The following CHCHD6 variants were observed in gnomAD, a reference collection of about 807,000 sequenced individuals.
CHCHD6 encodes MICOS complex subunit MIC25.
A neutral mutation model predicts 32.3 loss-of-function variants in CHCHD6; 28 were observed. The ratio of observed to expected loss-of-function variants is 0.87; its 90% CI spans 0.64 to 1.19. The LOEUF (loss-of-function observed/expected upper bound fraction) is 1.19. CHCHD6 is among the 50% of genes most tolerant of loss of function. CHCHD6 has a pLI of 0.00. For missense variants in CHCHD6, 333 were observed against 307.0 expected, an observed-to-expected ratio of 1.08 and a Z score of -0.63; for synonymous variants, 122 against 117.5, an observed-to-expected ratio of 1.04 and a Z score of -0.25.
intron 1 of CHCHD6, among the ~76,000 whole-genome samples, chr3:126,722,551 A>G (rs1224367541): frequency 1.3e-5 from 2 of 152,190 alleles, no homozygotes; most frequent in African/African-American, 4.8e-5. Flanking sequence ...TCTAGAGACT[A>G]ATGATGTTGA....
chr3:126,762,045 T>A (rs1453770364), intron 4 of CHCHD6, among the ~76,000 whole-genome samples: 2 of 152,208 alleles, frequency 1.3e-5, no homozygotes, highest in Non-Finnish European at 2.9e-5. Flanking sequence ...TCTTTTTCTT[T>A]GTCAGTCTTG....
At chr3:126,712,927 T>C (rs1934822399) in intron 1 of CHCHD6, among the ~76,000 whole-genome samples, 1 of 152,220 alleles carries the variant, frequency 6.6e-6, no homozygotes, top group Admixed American at 6.5e-5. Context: ...CTGTTGTGAG[T>C]AGCTCTACTA....
intron 4 of CHCHD6, among the ~76,000 whole-genome samples, chr3:126,839,086 CACTACATT>C (rs1276628553): frequency 4.0e-5 from 6 of 151,820 alleles, no homozygotes; most frequent in African/African-American, 1.5e-4. Context: ...GATAAGGTCT[CACTACATT>C]GCCTGAGCTG....
intron 4 of CHCHD6, among the ~76,000 whole-genome samples, chr3:126,764,224 T>TATAA (rs1491585281): frequency 1.1e-4 from 16 of 144,012 alleles, no homozygotes; most frequent in East Asian, 2.1e-4. Context: ...TATATATATA[T>TATAA]AAATATATGA....
rs1365322906 is a variant in CHCHD6, at chr3:126,726,322, G to A, written c.88-756G>A. 2.6e-5 allele frequency among the ~76,000 whole-genome samples: 4 copies of A among 152,148 alleles called. No individual in the cohort carries two copies. In the South Asian group the frequency reaches 6.2e-4, roughly 24 times the overall value. ...CCATCAGAACACAACAGCATTTATC[G>A]GTTAAGTTCGCCGTCTTACATGGAC... On this transcript the variant is annotated intron_variant, in intron 1 of 7. Coordinates refer to ENST00000290913, the MANE Select transcript of CHCHD6 (RefSeq NM_032343.3).
At chr3:126,910,089 C>T (rs1341531752) in intron 5 of CHCHD6, among the ~76,000 whole-genome samples, 3 of 152,074 alleles carry the variant, frequency 2.0e-5, no homozygotes, top group Non-Finnish European at 4.4e-5. Context: ...CCAGCCTGGC[C>T]AACATGGCGA....
At chr3:126,909,448 C>T (rs1559916554) in intron 5 of CHCHD6, among the ~76,000 whole-genome samples, 2 of 152,224 alleles carry the variant, frequency 1.3e-5, no homozygotes, top group Admixed American at 1.3e-4. Context: ...CACCCTCACC[C>T]TTGCTTTTGA....
At chr3:126,730,701 C>A in intron 3 of CHCHD6, 71 bp downstream of exon 3, 2 of 1,287,628 alleles carry the variant, frequency 1.6e-6, no homozygotes, top group Non-Finnish European at 1.1e-6. Context: ...CTGGGTACCC[C>A]TCTCCTTGCC....
At chr3:126,765,084 A>AT (rs1228552863) in intron 4 of CHCHD6, among the ~76,000 whole-genome samples, 2 of 152,172 alleles carry the variant, frequency 1.3e-5, no homozygotes, top group Non-Finnish European at 2.9e-5. Flanking sequence ...CATTTTTGGC[A>AT]TTTTAACATG....
In CHCHD6 at chr3:126,798,604, G is replaced by A. The variant is rs985966254; in HGVS notation, c.412-54043G>A. Among the ~76,000 whole-genome samples the A allele has an allele frequency of 3.0e-4, 6 of 20,258 alleles. No homozygotes were observed. The South Asian group carries it at 6.8e-3, about 23-fold the overall frequency. 13.3% of individuals were successfully genotyped at this position (20,258 alleles called of 152,430 possible). A position where few individuals can be genotyped will look rare whatever the true frequency, so the allele number is the denominator to read the frequency against. On this transcript the variant is annotated intron_variant, in intron 4 of 7. Transcript: ENST00000290913. ...GTTCTGTTACTAGCAGGGTGCCCCCGCTCTGTGGCTTGGAGCTGCTCCGGA... is the reference window on the plus strand; with the variant it reads ...GTTCTGTTACTAGCAGGGTGCCCCCACTCTGTGGCTTGGAGCTGCTCCGGA...
At chr3:126,719,369 T>G (rs183591116) in intron 1 of CHCHD6, among the ~76,000 whole-genome samples, 31 of 152,358 alleles carry the variant, frequency 2.0e-4, no homozygotes, top group African/African-American at 7.0e-4. Flanking sequence ...GCTTCCCTAG[T>G]GCATGCGGCT....
intron 1 of CHCHD6, 83 bp downstream of exon 1, chr3:126,704,482 C>T (rs745442418): frequency 1.5e-4 from 129 of 859,272 alleles, no homozygotes; most frequent in Non-Finnish European, 1.9e-4. Context: ...AGGGCCGGGG[C>T]TCTTTCCACG....
At chr3:126,756,928 A>G (rs1034366072) in intron 4 of CHCHD6, among the ~76,000 whole-genome samples, 1 of 152,230 alleles carries the variant, frequency 6.6e-6, no homozygotes, top group Non-Finnish European at 1.5e-5. Context: ...TAAGGCAAGA[A>G]TCACATCATG....
At position 126,791,856 on chromosome 3, in the gene CHCHD6, C is replaced by T. The variant is rs148012750; in HGVS notation, c.411+58634C>T. On this transcript the variant is annotated intron_variant, in intron 4 of 7. Transcript: ENST00000290913. The stretch of plus-strand genomic sequence containing the variant: ...CAACTCCTGACCTCAGGCGATCCAC[C>T]TGCCTTGGCCTCCCAAAGTGCTGGG... Among the ~76,000 whole-genome samples the T allele has an allele frequency of 8.3e-3, 1,271 of 152,356 alleles. 16 individuals are homozygous for T. Among genetic ancestry groups the T allele is most frequent in the African/African-American group, 0.029 (1,187 of 41,588 alleles).
At chr3:126,755,991 G>A (rs1179861863) in intron 4 of CHCHD6, among the ~76,000 whole-genome samples, 2 of 152,138 alleles carry the variant, frequency 1.3e-5, no homozygotes, top group Admixed American at 1.3e-4. Flanking sequence ...ATGACTGTGA[G>A]GCTCTGGGAG....
chr3:126,737,408 A>G (rs956608025), intron 4 of CHCHD6, among the ~76,000 whole-genome samples: 102 of 147,546 alleles, frequency 6.9e-4, no homozygotes, highest in African/African-American at 2.1e-3. Flanking sequence ...ATATATATAT[A>G]TATATATATA....
intron 4 of CHCHD6, among the ~76,000 whole-genome samples, chr3:126,846,830 TTGTG>T (rs1333619179): frequency 2.0e-5 from 3 of 152,134 alleles, no homozygotes; most frequent in Non-Finnish European, 4.4e-5. Context: ...GTACACGTGT[TTGTG>T]TGTGTGTATG....
intron 5 of CHCHD6, among the ~76,000 whole-genome samples, chr3:126,864,215 C>T (rs1942138780): frequency 6.6e-6 from 1 of 150,616 alleles, no homozygotes; most frequent in Non-Finnish European, 1.5e-5. Context: ...CCTCCTCATC[C>T]TCCACCATTA....
chr3:126,908,840 G>A (rs138653362), intron 5 of CHCHD6, among the ~76,000 whole-genome samples: 2 of 152,316 alleles, frequency 1.3e-5, no homozygotes, highest in African/African-American at 4.8e-5. Flanking sequence ...GCAGAAAGGA[G>A]GTTCTGTCAT....
Sources: allele counts gnomAD v4.1 joint callset (sites outside exome capture counted in the v4.1 genomes callset), GRCh38; gene constraint gnomAD v4.1.1; transcripts MANE v1.5; gene names NCBI Gene and HGNC (gene_info 2026-07-23, HGNC 2026-07-21).